The following KAT2B variants were observed in gnomAD, a reference collection of about 807,000 sequenced individuals.
KAT2B encodes lysine acetyltransferase 2B.
A neutral mutation model predicts 105.9 loss-of-function variants in KAT2B; 36 were observed. The observed-to-expected ratio is 0.34, with a 90% CI of 0.26 to 0.45. The LOEUF is 0.45. Ranked by LOEUF, KAT2B falls within the 20% of genes least tolerant of loss-of-function variation. KAT2B has a pLI of 1.00. For missense variants in KAT2B, 820 were observed against 1,021.6 expected (o/e 0.80, Z 2.69); for synonymous variants, 397 against 377.9 (o/e 1.05, Z -0.59).
chr3:20,125,097 C>T lies in KAT2B; in HGVS notation c.1414-808C>T, dbSNP rs575086110. Among the ~76,000 whole-genome samples, 5 of 152,128 alleles carry T rather than the reference C, an allele frequency of 3.3e-5. No individual in the cohort carries two copies. In the East Asian group the frequency reaches 9.7e-4, roughly 29 times the overall value. On this transcript the variant is annotated intron_variant, in intron 9 of 17. Transcript: ENST00000263754. ...CAGCACTTTGGGAGGCCGAGGCGGGCAGATCACGAGGTCAGGAGATCGAGA... is the reference window on the plus strand; with the variant it reads ...CAGCACTTTGGGAGGCCGAGGCGGGTAGATCACGAGGTCAGGAGATCGAGA...
Position 20,146,390 on chromosome 3 carries a change from T to C in KAT2B, c.2079T>C (p.Asp693=), listed in dbSNP as rs1282378215. The C allele has an allele frequency of 2.5e-6, 4 of 1,613,258 alleles. No individual in the cohort carries two copies. The highest frequency in any genetic ancestry group is 3.4e-6 in the Non-Finnish European group (4 of 1,179,394). The part of the protein sequence containing the change: ...KVYPGLSCFK[D]GVRQIPIESI... ...ACCCTGGACTTTCATGTTTTAAAGA[T>C]GGAGTTCGACAGATTCCTATAGAAA... The change falls in exon 14 of 18, where the codon GAT becomes GAC. Residue 693 remains aspartate, a synonymous_variant. Transcript: ENST00000263754.
At chr3:20,098,438 G>T (rs527593543) in intron 3 of KAT2B, among the ~76,000 whole-genome samples, 2 of 152,300 alleles carry the variant, frequency 1.3e-5, no homozygotes, top group African/African-American at 4.8e-5. Flanking sequence ...TCAAAAGGTT[G>T]TAAGTATTAA....
At chr3:20,124,265 A>C (rs1284393779) in intron 9 of KAT2B, among the ~76,000 whole-genome samples, 2 of 152,136 alleles carry the variant, frequency 1.3e-5, no homozygotes, top group African/African-American at 4.8e-5. Flanking sequence ...AGACTGGGTA[A>C]TTTATTTTTT....
At chr3:20,079,200 C>T (rs1213491477) in intron 2 of KAT2B, among the ~76,000 whole-genome samples, 2 of 123,326 alleles carry the variant, frequency 1.6e-5, no homozygotes, top group African/African-American at 3.4e-5. Context: ...CACACCTGGC[C>T]TCTTTTTTTT....
intron 1 of KAT2B, among the ~76,000 whole-genome samples, chr3:20,046,229 C>T (rs7645157): frequency 5.9e-5 from 9 of 152,108 alleles, no homozygotes; most frequent in African/African-American, 1.9e-4. Flanking sequence ...CTTGGGTTCT[C>T]GGCAAGGTGC....
At chr3:20,059,585 G>T (rs952618406) in intron 1 of KAT2B, among the ~76,000 whole-genome samples, 2 of 151,830 alleles carry the variant, frequency 1.3e-5, no homozygotes, top group African/African-American at 4.8e-5. Context: ...GGCGCCTGTA[G>T]TCCCAGCTAC....
At chr3:20,127,368 A>C in intron 10 of KAT2B, 55 bp from the exon 11 acceptor site, 1 of 1,510,574 alleles carries the variant, frequency 6.6e-7, no homozygotes, top group Non-Finnish European at 9.1e-7. Context: ...CACCCCAAAA[A>C]GTATATTTAT....
At chr3:20,045,401 G>C (rs574393262) in intron 1 of KAT2B, among the ~76,000 whole-genome samples, 197 of 150,940 alleles carry the variant, frequency 1.3e-3, no homozygotes, top group African/African-American at 4.6e-3. Context: ...CCCAGGATGG[G>C]GTACACTGGC....
At chr3:20,046,169 C>T (rs1697807077) in intron 1 of KAT2B, among the ~76,000 whole-genome samples, 1 of 152,236 alleles carries the variant, frequency 6.6e-6, no homozygotes, top group Non-Finnish European at 1.5e-5. Flanking sequence ...TGGTGCTTTA[C>T]TCGTATATCA....
At chr3:20,147,710 T>G (rs575494258) in intron 14 of KAT2B, among the ~76,000 whole-genome samples, 6 of 152,346 alleles carry the variant, frequency 3.9e-5, no homozygotes, top group Non-Finnish European at 8.8e-5. Flanking sequence ...ATATTTATTT[T>G]TTATGCTCTC....
At chr3:20,071,018 A>AAC (rs1553646441) in intron 1 of KAT2B, among the ~76,000 whole-genome samples, 18 of 150,652 alleles carry the variant, frequency 1.2e-4, no homozygotes, top group East Asian at 5.9e-4. Context: ...ATAAAAAAAA[A>AAC]AAAACCAAAA....
chr3:20,140,238 T>C lies in KAT2B; in HGVS notation c.1878T>C (p.Ile626=). The change falls in exon 13 of 18, where the codon ATT becomes ATC. Residue 626 remains isoleucine (I), a synonymous_variant. Transcript: ENST00000263754. ...CTTTTCAGGGTTTCTCCAAAGAAAT[T>C]AAAATACCTAAAACCAAATATGTTG... The part of the protein sequence containing the change: ...YFKKQGFSKE[I]KIPKTKYVGY... The C allele has an allele frequency of 6.2e-7, 1 of 1,606,848 alleles. No individual in the cohort carries two copies. Among genetic ancestry groups the C allele is most frequent in the Non-Finnish European group, 8.5e-7 (1 of 1,173,578 alleles).
intron 2 of KAT2B, among the ~76,000 whole-genome samples, chr3:20,088,540 A>G (rs1156609573): frequency 6.6e-6 from 1 of 152,166 alleles, no homozygotes; most frequent in Non-Finnish European, 1.5e-5. Flanking sequence ...GGCCATTTGT[A>G]TGTCTTCTTT....
At chr3:20,113,007 C>T (rs1027735222) in intron 6 of KAT2B, among the ~76,000 whole-genome samples, 1 of 152,180 alleles carries the variant, frequency 6.6e-6, no homozygotes, top group African/African-American at 2.4e-5. Context: ...TGGCCAAACA[C>T]CCAATATTTG....
At chr3:20,140,447 A>T (rs1424126710) in intron 13 of KAT2B, 83 bp downstream of exon 13, 2 of 1,402,338 alleles carry the variant, frequency 1.4e-6, no homozygotes, top group Non-Finnish European at 2.0e-6. Flanking sequence ...TGCTGCGTGT[A>T]TGTGTTTACT....
intron 7 of KAT2B, among the ~76,000 whole-genome samples, 188 bp downstream of exon 7, chr3:20,115,176 AG>A (rs914788284): frequency 6.6e-6 from 1 of 152,238 alleles, no homozygotes; most frequent in East Asian, 1.9e-4. Context: ...ATCAAGTCTC[AG>A]TCTGACCTCT....
Position 20,040,786 on chromosome 3 carries a change from C to T in KAT2B, c.303+6C>T. The T allele has an allele frequency of 6.3e-7, 1 of 1,584,762 alleles. No individual in the cohort carries two copies. Among genetic ancestry groups the T allele is most frequent in the Non-Finnish European group, 8.5e-7 (1 of 1,169,732 alleles). On this transcript the variant is annotated splice_donor_region_variant and intron_variant, in intron 1 of 17. Transcript: ENST00000263754. Reference sequence around the variant, plus strand: ...GAGTGTACTCCGCCTGCAAGGTACGCGCTCGCCGCTCTCGGACCGCGGATG... The same window carrying T: ...GAGTGTACTCCGCCTGCAAGGTACGTGCTCGCCGCTCTCGGACCGCGGATG...
At chr3:20,133,079 G>A (rs1483200591) in intron 11 of KAT2B, among the ~76,000 whole-genome samples, 5 of 152,080 alleles carry the variant, frequency 3.3e-5, no homozygotes, top group African/African-American at 9.7e-5. Context: ...ATACAAATGC[G>A]TTTTCAGATA....
At chr3:20,058,327 G>A (rs1354782901) in intron 1 of KAT2B, among the ~76,000 whole-genome samples, 1 of 151,646 alleles carries the variant, frequency 6.6e-6, no homozygotes, top group Non-Finnish European at 1.5e-5. Flanking sequence ...GTGTGTTGGT[G>A]GGCAATAATC....
Sources: gnomAD v4.1 joint callset for allele counts (sites outside exome capture counted in the v4.1 genomes callset) on GRCh38, gnomAD v4.1.1 for gene constraint, MANE v1.5 for transcripts, NCBI Gene and HGNC (gene_info 2026-07-23, HGNC 2026-07-21) for gene names.